RIT2: variants seen among roughly 807,000 people sequenced by gnomAD.
RIT2 encodes the protein GTP-binding protein Rit2.
RIT2 carries 24 observed loss-of-function variants against 23.7 expected under a neutral mutation model. The observed-to-expected ratio is 1.01, with a 90% CI of 0.73 to 1.43. The LOEUF (loss-of-function observed/expected upper bound fraction) is 1.43. Ranked by LOEUF, RIT2 falls within the 40% of genes most tolerant of loss-of-function variation. The pLI, the probability that RIT2 is intolerant of heterozygous loss-of-function variation, is 0.00. For missense variants in RIT2, 236 were observed against 266.9 expected, an observed-to-expected ratio of 0.88 and a Z score of 0.81; for synonymous variants, 107 against 91.1, an observed-to-expected ratio of 1.17 and a Z score of -0.99.
At chr18:42,965,010 C>G (rs943064567) in intron 3 of RIT2, among the ~76,000 whole-genome samples, 81 of 152,256 alleles carry the variant, frequency 5.3e-4, no homozygotes, top group African/African-American at 1.5e-3. Context: ...TGAGAGCTAC[C>G]TTAACAACAC....
chr18:42,800,871 G>A (rs1485360129), intron 4 of RIT2, among the ~76,000 whole-genome samples: 2 of 151,988 alleles, frequency 1.3e-5, no homozygotes, highest in African/African-American at 2.4e-5. Flanking sequence ...ATGTTTTCCC[G>A]TTAGTTTCCT....
chr18:42,761,197 C>G (rs1913293638), intron 4 of RIT2, among the ~76,000 whole-genome samples: 1 of 152,062 alleles, frequency 6.6e-6, no homozygotes, highest in Non-Finnish European at 1.5e-5. Flanking sequence ...CTTCATTATC[C>G]TGTTTTATCC....
At chr18:42,919,347 C>T (rs1404481055) in intron 4 of RIT2, among the ~76,000 whole-genome samples, 1 of 152,058 alleles carries the variant, frequency 6.6e-6, no homozygotes, top group African/African-American at 2.4e-5. Flanking sequence ...GTTTCAAGGC[C>T]TAAAGCTGAG....
At chr18:42,916,337 G>T (rs1309220286) in intron 4 of RIT2, among the ~76,000 whole-genome samples, 3 of 152,024 alleles carry the variant, frequency 2.0e-5, no homozygotes, top group Non-Finnish European at 4.4e-5. Flanking sequence ...TTTTGTATGT[G>T]TCTGTTGTCT....
chr18:43,063,221 A>G (rs964061132), intron 1 of RIT2, among the ~76,000 whole-genome samples: 1 of 152,148 alleles, frequency 6.6e-6, no homozygotes, highest in African/African-American at 2.4e-5. Context: ...TATATTGTCA[A>G]TTTATCTTGG....
chr18:42,899,649 C>T (rs1333175917), intron 4 of RIT2, among the ~76,000 whole-genome samples: 1 of 152,026 alleles, frequency 6.6e-6, no homozygotes, highest in Non-Finnish European at 1.5e-5. Context: ...ATTAAAAGCT[C>T]AGCTTTGGGA....
chr18:43,080,256 T>C (rs1231646129), intron 1 of RIT2, among the ~76,000 whole-genome samples: 1 of 152,214 alleles, frequency 6.6e-6, no homozygotes, highest in Admixed American at 6.5e-5. Context: ...AGGCAGGCAT[T>C]TTTCTTCCCA....
At chr18:43,063,697 G>A (rs1213046308) in intron 1 of RIT2, among the ~76,000 whole-genome samples, 1 of 152,092 alleles carries the variant, frequency 6.6e-6, no homozygotes, top group Non-Finnish European at 1.5e-5. Context: ...CAGTTCTTAT[G>A]TGACAGCTTA....
chr18:42,826,970 G>A lies in RIT2; in HGVS notation c.427-83250C>T, dbSNP rs141295434. Reference sequence around the variant, plus strand: ...AAAACATAAAAGAAAATAAATCCAGGTTATGGCAGTTATTTGGTTACTTAA... The same window carrying A: ...AAAACATAAAAGAAAATAAATCCAGATTATGGCAGTTATTTGGTTACTTAA... On this transcript the variant is annotated intron_variant, in intron 4 of 4. Transcript: ENST00000326695. Among the ~76,000 whole-genome samples the A allele has an allele frequency of 3.1e-3, 465 of 152,082 alleles. 1 individual carries two copies. The highest frequency in any genetic ancestry group is 4.9e-3 in the Non-Finnish European group (336 of 67,964).
intron 1 of RIT2, among the ~76,000 whole-genome samples, chr18:43,072,446 T>C (rs1912921403): frequency 6.6e-6 from 1 of 152,204 alleles, no homozygotes; most frequent in South Asian, 2.1e-4. Context: ...TAGCTTTGTA[T>C]GACTACATAA....
At chr18:43,059,703 T>C (rs1212334127) in intron 1 of RIT2, among the ~76,000 whole-genome samples, 1 of 152,206 alleles carries the variant, frequency 6.6e-6, no homozygotes, top group Non-Finnish European at 1.5e-5. Flanking sequence ...TTGACTTGTT[T>C]TATTGCTCCA....
chr18:42,919,239 G>A (rs1447617131), intron 4 of RIT2, among the ~76,000 whole-genome samples: 1 of 152,054 alleles, frequency 6.6e-6, no homozygotes, highest in African/African-American at 2.4e-5. Flanking sequence ...GTAAAGAAAT[G>A]AAACTATTTT....
chr18:42,902,300 A>T (rs1210817418), intron 4 of RIT2, among the ~76,000 whole-genome samples: 2 of 151,446 alleles, frequency 1.3e-5, no homozygotes, highest in African/African-American at 2.4e-5. Context: ...TGCCTATAAC[A>T]TTTTTTTTAA....
chr18:42,769,718 ATTT>A (rs1913504333), intron 4 of RIT2, among the ~76,000 whole-genome samples: 2 of 151,898 alleles, frequency 1.3e-5, no homozygotes, highest in African/African-American at 4.8e-5. Context: ...ATATGATTAT[ATTT>A]ATAAGAAAGA....
intron 1 of RIT2, among the ~76,000 whole-genome samples, chr18:43,034,229 C>T (rs1911924666): frequency 6.6e-6 from 1 of 152,060 alleles, no homozygotes; most frequent in South Asian, 2.1e-4. Context: ...GTCCCTTTCA[C>T]CAAAGAATCT....
intron 4 of RIT2, among the ~76,000 whole-genome samples, chr18:42,888,352 G>GT (rs745962606): frequency 2.4e-4 from 36 of 151,812 alleles, no homozygotes; most frequent in Non-Finnish European, 4.7e-4. Context: ...TTGGTTGGTT[G>GT]TTTTTTGTTT....
At chr18:42,912,936 C>G (rs1359756225) in intron 4 of RIT2, among the ~76,000 whole-genome samples, 1 of 151,610 alleles carries the variant, frequency 6.6e-6, no homozygotes, top group Admixed American at 6.6e-5. Flanking sequence ...AAATATTAAG[C>G]ATTAAAATAG....
intron 1 of RIT2, among the ~76,000 whole-genome samples, chr18:43,106,597 A>G (rs1356836940): frequency 6.6e-6 from 1 of 152,130 alleles, no homozygotes; most frequent in African/African-American, 2.4e-5. Context: ...TTCCTTTTCA[A>G]TGCAACATCT....
At chr18:43,072,758 C>T (rs1276126532) in intron 1 of RIT2, among the ~76,000 whole-genome samples, 4 of 152,100 alleles carry the variant, frequency 2.6e-5, no homozygotes, top group South Asian at 2.1e-4. Context: ...TTTGCAACTT[C>T]CCACATCTTG....
Sources: gnomAD v4.1 joint callset for allele counts (sites outside exome capture counted in the v4.1 genomes callset) on GRCh38, gnomAD v4.1.1 for gene constraint, MANE v1.5 for transcripts, NCBI Gene and HGNC (gene_info 2026-07-23, HGNC 2026-07-21) for gene names.